DMXL1: variants seen among roughly 807,000 people sequenced by gnomAD.
DMXL1 encodes Dmx like 1, also known as dmX-like protein 1.
DMXL1 carries 99 observed loss-of-function variants against 319.2 expected under a neutral mutation model. The observed-to-expected ratio is 0.31, with a 90% confidence interval of 0.26 to 0.37. DMXL1 has a LOEUF of 0.37. DMXL1 is among the 10% of genes least tolerant of loss of function. The pLI is 1.00. For synonymous variants in DMXL1, 1,385 were observed against 1,235.2 expected, an observed-to-expected ratio of 1.12 and a Z score of -2.54; for missense variants, 3,745 against 3,595.6, an observed-to-expected ratio of 1.04 and a Z score of -1.06.
chr5:119,150,090 A>G lies in DMXL1; in HGVS notation c.4263A>G (p.Ser1421=), dbSNP rs555071588. ...CAGCAGATGATGATAGCTGTTACTC[A>G]TCTTTGGAGAAATCTAGTAATGAGA... The part of the protein sequence containing the change: ...LLAADDDSCY[S]SLEKSSNEST... The change falls in exon 18 of 44, where the codon TCA becomes TCG. Residue 1421 remains serine (S), a synonymous_variant. Coordinates refer to ENST00000539542, the MANE Select transcript of DMXL1 (RefSeq NM_001290321.3). 57 of 1,613,760 alleles carry G rather than the reference A, an allele frequency of 3.5e-5. No homozygotes were observed. The African/African-American group carries it at 5.6e-4, about 16-fold the overall frequency.
At chr5:119,128,704 G>T (rs1468694472) in intron 9 of DMXL1, among the ~76,000 whole-genome samples, 1 of 152,070 alleles carries the variant, frequency 6.6e-6, no homozygotes. Flanking sequence ...TATGTAGGAT[G>T]GGGAATATGG....
At chr5:119,097,756 T>C (rs1756319590) in intron 1 of DMXL1, among the ~76,000 whole-genome samples, 1 of 152,022 alleles carries the variant, frequency 6.6e-6, no homozygotes, top group East Asian at 1.9e-4. Flanking sequence ...TCAGAGTTGA[T>C]GCATATTTTG....
rs189294869 is a variant in DMXL1, at chr5:119,117,084, G to A, written c.743+748G>A. 5.9e-3 allele frequency among the ~76,000 whole-genome samples: 901 copies of A among 152,150 alleles called. 7 individuals carry two copies. The highest frequency in any genetic ancestry group is 7.9e-3 in the Non-Finnish European group (537 of 67,994). On this transcript the variant is annotated intron_variant, in intron 7 of 43. Transcript: ENST00000539542. ...TGCTTTGTCACCCAGACTGGAGTGC[G>A]GTGCCCCAGTCATGGCTCACTGCAA...
intron 13 of DMXL1, among the ~76,000 whole-genome samples, chr5:119,134,856 C>T (rs1765650499): frequency 6.6e-6 from 1 of 152,212 alleles, no homozygotes; most frequent in African/African-American, 2.4e-5. Context: ...CTCATACCCA[C>T]CTAATAACAA....
intron 29 of DMXL1, among the ~76,000 whole-genome samples, 160 bp downstream of exon 29, chr5:119,190,046 A>C (rs1268292897): frequency 6.6e-6 from 1 of 152,230 alleles, no homozygotes; most frequent in Non-Finnish European, 1.5e-5. Flanking sequence ...ACCCTAGAAT[A>C]TTTTGACCAT....
chr5:119,085,492 A>C (rs1157478372), intron 1 of DMXL1, among the ~76,000 whole-genome samples: 1 of 152,088 alleles, frequency 6.6e-6, no homozygotes, highest in Non-Finnish European at 1.5e-5. Context: ...TATTCTATAC[A>C]CCATTGATGT....
At chr5:119,203,141 T>A (rs901168662) in intron 32 of DMXL1, among the ~76,000 whole-genome samples, 178 bp from the exon 33 acceptor site, 1 of 151,914 alleles carries the variant, frequency 6.6e-6, no homozygotes, top group Non-Finnish European at 1.5e-5. Context: ...AAAGCCTGAA[T>A]TATGTACTAA....
intron 40 of DMXL1, among the ~76,000 whole-genome samples, chr5:119,238,521 T>C (rs190393856): frequency 6.6e-6 from 1 of 152,272 alleles, no homozygotes; most frequent in African/African-American, 2.4e-5. Context: ...TTTTGAAAAA[T>C]ATATGTCAAT....
chr5:119,215,103 T>G (rs182950566), intron 34 of DMXL1, among the ~76,000 whole-genome samples: 2 of 152,328 alleles, frequency 1.3e-5, no homozygotes, highest in East Asian at 1.9e-4. Flanking sequence ...GAGACTTTCC[T>G]TAGAAGACAA....
At chr5:119,165,754 A>G (rs1025445205) in intron 21 of DMXL1, among the ~76,000 whole-genome samples, 1 of 152,234 alleles carries the variant, frequency 6.6e-6, no homozygotes, top group East Asian at 1.9e-4. Context: ...TCCTGTTTGT[A>G]AAACCAACAA....
At chr5:119,210,757 G>GTTTTTTTTTTTTTTTTTTTTTTTCTTT in intron 34 of DMXL1, among the ~76,000 whole-genome samples, 14 of 89,774 alleles carry the variant, frequency 1.6e-4, no homozygotes, top group East Asian at 3.5e-4. Flanking sequence ...TTTTTCTTTC[G>GTTTTTTTTTTTTTTTTTTTTTTTCTTT]TTTTTTTTTT....
chr5:119,099,585 T>C (rs898267201), intron 2 of DMXL1, among the ~76,000 whole-genome samples: 2 of 152,218 alleles, frequency 1.3e-5, no homozygotes, highest in Non-Finnish European at 2.9e-5. Context: ...TTCTTAACTG[T>C]ATAAAAACTT....
rs894256528 is a variant in DMXL1, at chr5:119,177,951, T to A, written c.6887-45T>A. On this transcript the variant is annotated intron_variant, in intron 27 of 43. Coordinates refer to ENST00000539542, the MANE Select transcript of DMXL1 (RefSeq NM_001290321.3). The stretch of plus-strand genomic sequence containing the variant: ...AAAATATAGTTAATTTTTAAAATTT[T>A]AAAAATTTATAGTCAGTGACAGCTA... The A allele has an allele frequency of 3.3e-6, 5 of 1,497,640 alleles. 1 individual carries two copies. The highest frequency in any genetic ancestry group is 4.6e-5 in the Admixed American group (2 of 43,382). 92.8% of individuals were successfully genotyped at this position (1,497,640 alleles called of 1,614,324 possible). A position where few individuals can be genotyped will look rare whatever the true frequency, so the allele number is the denominator to read the frequency against.
Position 119,123,174 on chromosome 5 carries a change from G to A in DMXL1, c.1102+2035G>A, listed in dbSNP as rs184152861. On this transcript the variant is annotated intron_variant, in intron 9 of 43. Coordinates refer to ENST00000539542, the MANE Select transcript of DMXL1 (RefSeq NM_001290321.3). ...GAAAACCAGTCAGGCGTAGCGGCGC[G>A]CGCCTGCAATCGCAGGCACTCGGCA... 8.5e-3 allele frequency among the ~76,000 whole-genome samples: 1,292 copies of A among 152,018 alleles called. 14 individuals carry two copies. Among genetic ancestry groups the A allele is most frequent in the African/African-American group, 0.029 (1,217 of 41,446 alleles).
chr5:119,240,513 AT>A (rs1336545398), intron 42 of DMXL1, 42 bp downstream of exon 42: 1 of 1,286,210 alleles, frequency 7.8e-7, no homozygotes, highest in Non-Finnish European at 1.1e-6. Flanking sequence ...AAGTCAGGAA[AT>A]TCATAAGCTA....
intron 28 of DMXL1, among the ~76,000 whole-genome samples, chr5:119,183,658 G>T (rs1278256539): frequency 2.6e-5 from 4 of 151,992 alleles, no homozygotes; most frequent in African/African-American, 9.7e-5. Flanking sequence ...TTTTTTGGTA[G>T]AGACGGGCTA....
chr5:119,183,707 C>T lies in DMXL1; in HGVS notation c.7135+5463C>T, dbSNP rs749924595. On this transcript the variant is annotated intron_variant, in intron 28 of 43. Transcript: ENST00000539542. ...CTCCTGACCTTCAGTGATCCGCCTG[C>T]CCTGGCCTCCTAAAGTGCTTGGATT... Among the ~76,000 whole-genome samples the T allele has an allele frequency of 3.5e-4, 53 of 152,266 alleles. No homozygotes were observed. The Middle Eastern group carries it at 0.014, about 39-fold the overall frequency.
chr5:119,080,134 G>A (rs372824233), intron 1 of DMXL1, among the ~76,000 whole-genome samples: 4 of 152,254 alleles, frequency 2.6e-5, no homozygotes, highest in African/African-American at 9.6e-5. Context: ...ATTGCTTGAG[G>A]TCAGGAGTTC....
intron 39 of DMXL1, among the ~76,000 whole-genome samples, chr5:119,235,516 T>A (rs1369396192): frequency 6.6e-6 from 1 of 152,034 alleles, no homozygotes; most frequent in Non-Finnish European, 1.5e-5. Flanking sequence ...TTAGGAAATA[T>A]TTCAGAAGAA....
Sources: allele counts gnomAD v4.1 joint callset (sites outside exome capture counted in the v4.1 genomes callset), GRCh38; gene constraint gnomAD v4.1.1; transcripts MANE v1.5; gene names NCBI Gene and HGNC (gene_info 2026-07-23, HGNC 2026-07-21).